The following PPME1 variants were observed in gnomAD, a reference collection of about 807,000 sequenced individuals.
The protein encoded by PPME1 is protein phosphatase methylesterase 1, also known as testicular secretory protein Li 39.
In PPME1, 17 loss-of-function variants were observed where a neutral mutation model predicts 56.9. The ratio of observed to expected loss-of-function variants is 0.30; its 90% CI spans 0.20 to 0.45. The LOEUF is 0.45. Among genes scored for constraint, PPME1 ranks in the 20% least tolerant of loss-of-function variants. The probability of loss-of-function intolerance (pLI) is 1.00; values close to 1 mark genes in which losing one functional copy is unlikely to be tolerated. For synonymous variants in PPME1, 122 were observed against 156.2 expected, an observed-to-expected ratio of 0.78 and a Z score of 1.63; for missense variants, 357 against 483.2, an observed-to-expected ratio of 0.74 and a Z score of 2.45.
At chr11:74,204,110 G>A (rs1858254487) in intron 2 of PPME1, among the ~76,000 whole-genome samples, 2 of 151,630 alleles carry the variant, frequency 1.3e-5, no homozygotes, top group South Asian at 4.2e-4. Flanking sequence ...TTCATTTCTA[G>A]AATCCAGGGG....
At position 74,204,447 on chromosome 11, in the gene PPME1, T is replaced by G; in HGVS notation, c.288+2T>G. 6.2e-7 allele frequency: 1 copy of G among 1,606,392 alleles called. No individual in the cohort carries two copies. Among genetic ancestry groups the G allele is most frequent in the Non-Finnish European group, 8.5e-7 (1 of 1,173,592 alleles). On this transcript the variant is annotated splice_donor_variant, in intron 3 of 13. Transcript: ENST00000328257. LOFTEE classifies it high-confidence loss of function. ...GCCCTTTCTTGGGCTGTGTTCACGG[T>G]AAGTAGGTTGTTGATAGTACAAGTT...
At chr11:74,242,078 C>T (rs1456391495) in intron 9 of PPME1, among the ~76,000 whole-genome samples, 4 of 152,064 alleles carry the variant, frequency 2.6e-5, no homozygotes, top group African/African-American at 7.2e-5. Flanking sequence ...CCTATGTTTT[C>T]TTCTAAGAAT....
intron 1 of PPME1, among the ~76,000 whole-genome samples, chr11:74,175,159 A>G (rs1857372927): frequency 6.6e-6 from 1 of 152,228 alleles, no homozygotes; most frequent in Non-Finnish European, 1.5e-5. Context: ...TAGAGGAACT[A>G]TAAAATATTA....
At chr11:74,246,444 G>T (rs1169203479) in intron 10 of PPME1, among the ~76,000 whole-genome samples, 1 of 152,140 alleles carries the variant, frequency 6.6e-6, no homozygotes, top group Admixed American at 6.5e-5. Context: ...TTCTCTTAAG[G>T]ATATTAATTA....
In PPME1 at chr11:74,253,587, G is replaced by A. The variant is rs1859760320; in HGVS notation, c.*77G>A. 3 of 1,479,820 alleles carry A rather than the reference G, an allele frequency of 2.0e-6. No homozygotes were observed. The East Asian group carries it at 6.8e-5, about 33-fold the overall frequency. 91.7% of individuals were successfully genotyped at this position (1,479,820 alleles called of 1,614,324 possible). ...CACCAGAGGCCACTGTGATGCCACT[G>A]TCTCCTCTCCATCCCGCCCAGCCAT... On this transcript the variant is annotated 3_prime_UTR_variant, in exon 14 of 14. Coordinates refer to ENST00000328257, the MANE Select transcript of PPME1 (RefSeq NM_016147.3).
chr11:74,189,694 C>G (rs1857784492), intron 1 of PPME1, among the ~76,000 whole-genome samples: 1 of 152,202 alleles, frequency 6.6e-6, no homozygotes, highest in South Asian at 2.1e-4. Context: ...GCATAGTATT[C>G]TGTTGTATGG....
At chr11:74,197,455 A>C (rs1049674448) in intron 1 of PPME1, among the ~76,000 whole-genome samples, 12 of 152,174 alleles carry the variant, frequency 7.9e-5, no homozygotes, top group Non-Finnish European at 1.6e-4. Flanking sequence ...GAAAATGATT[A>C]GTTTTATGAT....
rs749302477 is a variant in PPME1, at chr11:74,239,158, G to T, written c.736G>T (p.Gly246Cys). The change falls in exon 9 of 14, where the codon GGC becomes TGC. Residue 246 changes from glycine (G) to cysteine (C), a missense_variant. Coordinates refer to ENST00000328257, the MANE Select transcript of PPME1 (RefSeq NM_016147.3). ...KQCEGITSPE[G>C]SKSIVEGIIE... ...GTGTGAAGGAATTACAAGTCCAGAA[G>T]GCTCAAAATCTATAGTGGAAGGAAT... 1 of 1,613,320 alleles carries T rather than the reference G, an allele frequency of 6.2e-7. No homozygotes were observed. Among genetic ancestry groups the T allele is most frequent in the East Asian group, 2.2e-5 (1 of 44,838 alleles).
At chr11:74,208,654 G>A (rs895919658) in intron 3 of PPME1, among the ~76,000 whole-genome samples, 3 of 152,202 alleles carry the variant, frequency 2.0e-5, no homozygotes, top group Admixed American at 1.3e-4. Flanking sequence ...AACAAAAGAT[G>A]TAAGGTTCTT....
chr11:74,201,149 G>A (rs1044460369), intron 1 of PPME1, among the ~76,000 whole-genome samples: 3 of 151,832 alleles, frequency 2.0e-5, no homozygotes, highest in Non-Finnish European at 2.9e-5. Flanking sequence ...CTAATTTTTT[G>A]TATTTTTAGT....
intron 3 of PPME1, among the ~76,000 whole-genome samples, chr11:74,219,388 TA>T (rs1033993105): frequency 1.3e-5 from 2 of 151,208 alleles, no homozygotes. Context: ...GCAATCCCGC[TA>T]CTATGTATAT....
At chr11:74,220,455 A>G (rs969835623) in intron 3 of PPME1, among the ~76,000 whole-genome samples, 9 of 152,296 alleles carry the variant, frequency 5.9e-5, no homozygotes, top group Admixed American at 2.0e-4. Context: ...GGGCAGTAGT[A>G]TTTAGGTGAT....
At chr11:74,202,002 G>A (rs1320416078) in intron 1 of PPME1, among the ~76,000 whole-genome samples, 1 of 152,160 alleles carries the variant, frequency 6.6e-6, no homozygotes, top group Non-Finnish European at 1.5e-5. Flanking sequence ...ACTTCACAAT[G>A]TCATTTTTAT....
intron 1 of PPME1, among the ~76,000 whole-genome samples, chr11:74,184,059 T>C (rs1256225251): frequency 1.3e-5 from 2 of 152,200 alleles, no homozygotes; most frequent in African/African-American, 2.4e-5. Context: ...TTATATTCTT[T>C]TGTGATTCCA....
intron 3 of PPME1, among the ~76,000 whole-genome samples, chr11:74,213,328 C>T (rs1198730371): frequency 2.0e-5 from 3 of 152,234 alleles, no homozygotes; most frequent in African/African-American, 7.2e-5. Flanking sequence ...AGTAGAGCAC[C>T]AGGTAGATTC....
At chr11:74,231,888 G>T (rs189849931) in intron 7 of PPME1, among the ~76,000 whole-genome samples, 40 of 152,268 alleles carry the variant, frequency 2.6e-4, no homozygotes, top group Admixed American at 1.7e-3. Flanking sequence ...GCAAAGGAAT[G>T]AATTTATTCA....
At chr11:74,171,994 G>C (rs551081908) in intron 1 of PPME1, among the ~76,000 whole-genome samples, 1 of 152,260 alleles carries the variant, frequency 6.6e-6, no homozygotes, top group African/African-American at 2.4e-5. Flanking sequence ...CTAGATACTA[G>C]AAAAGCTGAG....
chr11:74,248,693 A>T (rs905745730), intron 11 of PPME1: 1 of 152,206 alleles, frequency 6.6e-6, no homozygotes, highest in East Asian at 1.9e-4. Flanking sequence ...AATTACCAAC[A>T]TGAGTGCCAT....
In PPME1 at chr11:74,221,224, A is replaced by G. The variant is rs78627382; in HGVS notation, c.289-1088A>G. Among the ~76,000 whole-genome samples, 1,440 of 152,294 alleles carry G rather than the reference A, an allele frequency of 9.5e-3. 16 individuals are homozygous for G. The highest frequency in any genetic ancestry group is 0.033 in the African/African-American group (1,360 of 41,568). ...TTATCTAGAGCAATCAAGCAAATTC[A>G]TACTATCTTTTCCACTTAATTTTAT... On this transcript the variant is annotated intron_variant, in intron 3 of 13. Coordinates refer to ENST00000328257, the MANE Select transcript of PPME1 (RefSeq NM_016147.3).
Sources: allele counts gnomAD v4.1 joint callset (sites outside exome capture counted in the v4.1 genomes callset), GRCh38; gene constraint gnomAD v4.1.1; transcripts MANE v1.5; gene names NCBI Gene and HGNC (gene_info 2026-07-23, HGNC 2026-07-21).